Variants in RBSN observed in about 807,000 individuals in gnomAD.
RBSN encodes rabenosyn-5.
A neutral mutation model predicts 60.5 loss-of-function variants in RBSN; 34 were observed. The ratio of observed to expected loss-of-function variants is 0.56; its 90% confidence interval spans 0.43 to 0.75. The LOEUF (loss-of-function observed/expected upper bound fraction) is 0.75. RBSN is among the 30% of genes least tolerant of loss of function. RBSN has a pLI of 0.00. For missense variants in RBSN, 845 were observed against 986.8 expected (o/e 0.86, Z 1.92); for synonymous variants, 322 against 366.9 (o/e 0.88, Z 1.40).
At position 15,080,652 on chromosome 3, in the gene RBSN, T is replaced by A. The variant is rs148304479; in HGVS notation, c.911+80A>T. 1.8e-3 allele frequency: 2,540 copies of A among 1,395,180 alleles called. 77 individuals carry two copies. The Admixed American group carries it at 0.048, about 27-fold the overall frequency. 86.4% of individuals were successfully genotyped at this position (1,395,180 alleles called of 1,614,324 possible). Reference sequence around the variant, plus strand: ...AGCACGGTTGAAGTTAAGATTTTCATTTTTGGCTACTGGAGAATTGACCTA... The same window carrying A: ...AGCACGGTTGAAGTTAAGATTTTCAATTTTGGCTACTGGAGAATTGACCTA... On this transcript the variant is annotated intron_variant, in intron 10 of 13. Coordinates refer to ENST00000253699, the MANE Select transcript of RBSN (RefSeq NM_022340.4).
At chr3:15,080,070 C>T (rs186017013) in intron 10 of RBSN, among the ~76,000 whole-genome samples, 3 of 152,108 alleles carry the variant, frequency 2.0e-5, no homozygotes, top group African/African-American at 7.2e-5. Context: ...TGGTGAAACC[C>T]CGTCTCTACT....
Position 15,074,207 on chromosome 3 carries a change from G to A in RBSN, c.1930C>T (p.Pro644Ser), listed in dbSNP as rs755978451. 3 of 1,609,978 alleles carry A rather than the reference G, an allele frequency of 1.9e-6. No homozygotes were observed. The South Asian group carries it at 3.3e-5, about 18-fold the overall frequency. The change falls in exon 14 of 14, where the codon CCT becomes TCT. Residue 644 changes from proline (P) to serine (S), a missense_variant. Transcript: ENST00000253699. This position sits in a 1 kb window ranked among gnomAD's most constrained non-coding sequence, Gnocchi z 6.4. ...SSPMEEATTG[P>S]PAAGVSLDPS... ...TCTAAGGAAACCCCTGCAGCAGGAG[G>A]ACCAGTAGTGGCCTCTTCCATGGGG...
Position 15,085,893 on chromosome 3 carries a change from C to G in RBSN, c.358G>C (p.Glu120Gln), listed in dbSNP as rs900574483. 4 of 1,614,038 alleles carry G rather than the reference C, an allele frequency of 2.5e-6. No individual in the cohort carries two copies. The African/African-American group carries it at 4.0e-5, about 16-fold the overall frequency. Residue 120 changes from glutamate (E) to glutamine (Q), a missense_variant, in exon 6 of 14, where the codon GAA becomes CAA. Physicochemically the swap from Glu to Gln is conservative, Grantham distance 29. Coordinates refer to ENST00000253699, the MANE Select transcript of RBSN (RefSeq NM_022340.4). ...RAARIDHYVV[E>Q]VNKLIIRLEK... The stretch of plus-strand genomic sequence containing the variant: ...AACCTGATTATTAGTTTATTGACTT[C>G]CACAACATAGTGGTCAATTCTAGCA...
rs139040870 is a variant in RBSN at position 15,074,875 on chromosome 3, C to A, written c.1262G>T (p.Arg421Leu). 6.2e-7 allele frequency: 1 copy of A among 1,613,800 alleles called. No homozygotes were observed. The highest frequency in any genetic ancestry group is 8.5e-7 in the Non-Finnish European group (1 of 1,179,988). ...AGATGCCACCTCCCCGTTGGCCGCT[C>A]GAGAAGCCAGGCCACTCTGCCTTTC... ...LEERQSGLAS[R>L]AANGEVASLR... is the part of the protein sequence containing the mutation. The change falls in exon 14 of 14, where the codon CGA becomes CTA. Residue 421 changes from arginine (R) to leucine (L), a missense_variant. By Grantham distance (102) the Arg-to-Leu change is moderately radical (BLOSUM62 -2). Coordinates refer to ENST00000253699, the MANE Select transcript of RBSN (RefSeq NM_022340.4). This position sits in a 1 kb window ranked among gnomAD's most constrained non-coding sequence, Gnocchi z 6.4.
At chr3:15,085,214 A>G (rs1414792451) in intron 6 of RBSN, among the ~76,000 whole-genome samples, 169 bp from the exon 7 acceptor site, 1 of 152,190 alleles carries the variant, frequency 6.6e-6, no homozygotes, top group Non-Finnish European at 1.5e-5. Flanking sequence ...ACAGGGTATT[A>G]GTTTTGCATC....
chr3:15,092,401 G>T (rs1047006313), intron 4 of RBSN, among the ~76,000 whole-genome samples: 7 of 150,416 alleles, frequency 4.7e-5, no homozygotes, highest in African/African-American at 1.2e-4. Context: ...GGTTTTTTTT[G>T]TTTGTTTGTT....
intron 5 of RBSN, 131 bp downstream of exon 5, chr3:15,090,268 G>A: frequency 1.0e-6 from 1 of 974,596 alleles, no homozygotes. Context: ...CCCCAGCAAG[G>A]GCATAAGGTC....
Position 15,082,319 on chromosome 3 carries a change from C to A in RBSN, c.840+48G>T. 6.3e-7 allele frequency: 1 copy of A among 1,591,012 alleles called. No homozygotes were observed. ...CTGCAGGAGTGTACATAACAAACAG[C>A]CAAATCTGCCTAAGAAATTAGACCC... On this transcript the variant is annotated intron_variant, in intron 9 of 13. Transcript: ENST00000253699. The surrounding 1 kb of genome is among the most constrained non-coding windows in gnomAD (Gnocchi z 4.2).
At position 15,071,611 on chromosome 3, in the gene RBSN, TCCC is replaced by T; in HGVS notation, c.*2168_*2170del. 6.6e-6 allele frequency: 1 copy of T among 152,274 alleles called. No individual in the cohort carries two copies. Among genetic ancestry groups the T allele is most frequent in the Non-Finnish European group, 1.5e-5 (1 of 68,028 alleles). The allele number at this position is 152,274 out of a possible 1,614,324, so 9.4% of individuals were successfully genotyped here. A position where few individuals can be genotyped will look rare whatever the true frequency, so the allele number is the denominator to read the frequency against. ...GCGTCCTTCACACACTTCTACCCAC[TCCC>T]CATCTCCACACCCCTATACAAGATC... is the stretch of plus-strand genomic sequence containing the variant. On this transcript the variant is annotated 3_prime_UTR_variant, in exon 14 of 14. Transcript: ENST00000253699.
intron 2 of RBSN, among the ~76,000 whole-genome samples, 151 bp downstream of exon 2, chr3:15,097,956 CAGTGGTTCATCT>C (rs1443358638): frequency 6.6e-6 from 1 of 152,162 alleles, no homozygotes; most frequent in African/African-American, 2.4e-5. Flanking sequence ...CCTCCCCAGC[CAGTGGTTCATCT>C]GATGCTGACT....
rs773910004 is a variant in RBSN, at chr3:15,090,549, T to C, written c.149-10A>G. On this transcript the variant is annotated splice_polypyrimidine_tract_variant and intron_variant, in intron 4 of 13. Coordinates refer to ENST00000253699, the MANE Select transcript of RBSN (RefSeq NM_022340.4). The stretch of plus-strand genomic sequence containing the variant: ...GCCTTCTGGACAAGACCTTGAAAAA[T>C]GGAACAAATAATACAAATGAGCCAT... 8 of 1,612,702 alleles carry C rather than the reference T, an allele frequency of 5.0e-6. No individual in the cohort carries two copies. The South Asian group carries it at 8.8e-5, about 18-fold the overall frequency.
At chr3:15,076,041 T>G in intron 12 of RBSN, among the ~76,000 whole-genome samples, 1 of 151,968 alleles carries the variant, frequency 6.6e-6, no homozygotes, top group East Asian at 1.9e-4. Flanking sequence ...CTGCTGTAAG[T>G]TTCTCCAGAG....
chr3:15,090,275 G>C, intron 5 of RBSN, 124 bp downstream of exon 5: 3 of 1,050,304 alleles, frequency 2.9e-6, no homozygotes, highest in Non-Finnish European at 2.7e-6. Context: ...AAGGGCATAA[G>C]GTCCATGAGA....
Position 15,095,992 on chromosome 3 carries a change from A to G in RBSN, c.129T>C (p.Asp43=), listed in dbSNP as rs2043646652. ...YEEEHSGEDR[D]VKGQIKSLVQ... ...TCTTACTTTTAATTTGCCCTTTGACATCACGGTCTTCCCCTGAGTGTTCTT... is the reference window on the plus strand; with the variant it reads ...TCTTACTTTTAATTTGCCCTTTGACGTCACGGTCTTCCCCTGAGTGTTCTT... The change falls in exon 4 of 14, where the codon GAT becomes GAC. Residue 43 remains aspartate (D), a synonymous_variant. Transcript: ENST00000253699. 1 of 1,614,240 alleles carries G rather than the reference A, an allele frequency of 6.2e-7. No individual in the cohort carries two copies. Among genetic ancestry groups the G allele is most frequent in the Non-Finnish European group, 8.5e-7 (1 of 1,180,042 alleles).
At position 15,072,023 on chromosome 3, in the gene RBSN, C is replaced by T. The variant is rs574545052; in HGVS notation, c.*1759G>A. Reference sequence around the variant, plus strand: ...CCTTAATTGACCAACAGTTTAAGTACTGTGGTGCTACCAGCACGATCCTGG... The same window carrying T: ...CCTTAATTGACCAACAGTTTAAGTATTGTGGTGCTACCAGCACGATCCTGG... On this transcript the variant is annotated 3_prime_UTR_variant, in exon 14 of 14. Coordinates refer to ENST00000253699, the MANE Select transcript of RBSN (RefSeq NM_022340.4). 1 of 152,684 alleles carries T rather than the reference C, an allele frequency of 6.5e-6. No individual in the cohort carries two copies. Among genetic ancestry groups the T allele is most frequent in the Non-Finnish European group, 1.5e-5 (1 of 68,046 alleles). 9.5% of individuals were successfully genotyped at this position (152,684 alleles called of 1,614,324 possible). A position where few individuals can be genotyped will look rare whatever the true frequency, so the allele number is the denominator to read the frequency against.
chr3:15,088,374 G>T (rs994934057), intron 5 of RBSN, among the ~76,000 whole-genome samples: 107 of 149,198 alleles, frequency 7.2e-4, no homozygotes, highest in African/African-American at 2.2e-3. Context: ...CATATGTATA[G>T]TATTATTATT....
intron 4 of RBSN, chr3:15,095,580 GGTGCATAAT>G (rs759634427): frequency 7.1e-5 from 23 of 325,894 alleles, no homozygotes; most frequent in Non-Finnish European, 1.2e-4. Context: ...AGGTAAAATG[GGTGCATAAT>G]GTGCCTCCAT....
chr3:15,083,427 C>T (rs2043257733), intron 8 of RBSN, among the ~76,000 whole-genome samples: 1 of 152,142 alleles, frequency 6.6e-6, no homozygotes, highest in African/African-American at 2.4e-5. Flanking sequence ...CCCCAAACTT[C>T]CCAGAAGCCA....
intron 5 of RBSN, among the ~76,000 whole-genome samples, chr3:15,089,197 G>A (rs2043428430): frequency 6.6e-6 from 1 of 152,058 alleles, no homozygotes. Flanking sequence ...CAGGCGTAGT[G>A]GCTCACACCT....
Sources: gnomAD v4.1 joint callset for allele counts (sites outside exome capture counted in the v4.1 genomes callset) on GRCh38, gnomAD v4.1.1 for gene constraint, Gnocchi (gnomAD v3.1) non-coding constraint, MANE v1.5 for transcripts, NCBI Gene and HGNC (gene_info 2026-07-23, HGNC 2026-07-21) for gene names.